The following SEC14L1 variants were observed in gnomAD, a reference collection of about 807,000 sequenced individuals.
SEC14L1 encodes SEC14-like protein 1.
In SEC14L1, 48 loss-of-function variants were observed where a neutral mutation model predicts 85.3. The observed-to-expected ratio is 0.56, with a 90% CI of 0.45 to 0.72. The LOEUF is 0.72. SEC14L1 is among the 30% of genes least tolerant of loss of function. The pLI is 0.00. For missense variants in SEC14L1, 682 were observed against 921.4 expected (o/e 0.74, Z 3.36); for synonymous variants, 391 against 355.5 (o/e 1.10, Z -1.12).
rs1274250015 is a variant in SEC14L1, at chr17:77,109,624, G to A, written c.-136+16277G>A. On this transcript the variant is annotated intron_variant, in intron 3 of 19. Coordinates refer to the SEC14L1 transcript ENST00000392476. Reference sequence around the variant, plus strand: ...AGTGCAGGAGTTTAGTCCAAAACAAGGGCCTCCTATGATTTTTGTTTAACA... The same window carrying A: ...AGTGCAGGAGTTTAGTCCAAAACAAAGGCCTCCTATGATTTTTGTTTAACA... 2.6e-5 allele frequency among the ~76,000 whole-genome samples: 4 copies of A among 152,156 alleles called. 1 individual carries two copies. Among genetic ancestry groups the A allele is most frequent in the Admixed American group, 2.6e-4 (4 of 15,264 alleles).
In SEC14L1 at chr17:77,204,662, C is replaced by G. The variant is rs141473046; in HGVS notation, c.1099-614C>G. Among the ~76,000 whole-genome samples the G allele has an allele frequency of 9.2e-5, 14 of 151,884 alleles. No individual in the cohort carries two copies. The East Asian group carries it at 1.2e-3, about 13-fold the overall frequency. On this transcript the variant is annotated intron_variant, in intron 10 of 16. Coordinates refer to ENST00000436233, the MANE Select transcript of SEC14L1 (RefSeq NM_001143998.2). ...CAAACTGCTGTCCTCAAGCAGTCCTCCCACCTCGGCCTCCTGAGTAGCTGG... is the reference window on the plus strand; with the variant it reads ...CAAACTGCTGTCCTCAAGCAGTCCTGCCACCTCGGCCTCCTGAGTAGCTGG...
rs1274404161 is a variant in SEC14L1, at chr17:77,214,082, G to A, written c.*59G>A. On this transcript the variant is annotated 3_prime_UTR_variant, in exon 17 of 17. Transcript: ENST00000436233. ...ACGGCCGCCCCTCCTCGGACAGCCAGCTGCACCCGCCCACCCAGCGGCGAC... is the reference window on the plus strand; with the variant it reads ...ACGGCCGCCCCTCCTCGGACAGCCAACTGCACCCGCCCACCCAGCGGCGAC... 25 of 1,573,682 alleles carry A rather than the reference G, an allele frequency of 1.6e-5. No homozygotes were observed. The highest frequency in any genetic ancestry group is 7.2e-5 in the Admixed American group (4 of 55,712).
In SEC14L1 at chr17:77,144,283, G is replaced by C. The variant is rs185615844; in HGVS notation, c.63+624G>C. Among the ~76,000 whole-genome samples the C allele has an allele frequency of 9.9e-4, 151 of 152,138 alleles. 1 individual carries two copies. Among genetic ancestry groups the C allele is most frequent in the Admixed American group, 9.8e-3 (150 of 15,282 alleles). On this transcript the variant is annotated intron_variant, in intron 3 of 16. Transcript: ENST00000436233. ...CATACATACCAGAAAATATAATACA[G>C]ACAGGAGAATGTGTCTTTCATGAGC...
chr17:77,216,002 G>C lies in SEC14L1; in HGVS notation c.*1979G>C. Reference sequence around the variant, plus strand: ...GTTAGTAGGTAGGGCTAGTAGGTAGGGTTCGTAGGTAGGGTTCGTAGGTAG... The same window carrying C: ...GTTAGTAGGTAGGGCTAGTAGGTAGCGTTCGTAGGTAGGGTTCGTAGGTAG... On this transcript the variant is annotated 3_prime_UTR_variant, in exon 17 of 17. Coordinates refer to ENST00000436233, the MANE Select transcript of SEC14L1 (RefSeq NM_001143998.2). The C allele has an allele frequency of 1.1e-6, 1 of 934,278 alleles. No individual in the cohort carries two copies. Among genetic ancestry groups the C allele is most frequent in the South Asian group, 5.1e-5 (1 of 19,432 alleles). The allele number at this position is 934,278 out of a possible 1,614,324, so 57.9% of individuals were successfully genotyped here.
chr17:77,149,856 GTTTTTTTTT>G (rs201022692), intron 3 of SEC14L1, among the ~76,000 whole-genome samples: 2 of 123,930 alleles, frequency 1.6e-5, no homozygotes, highest in Non-Finnish European at 3.6e-5. Context: ...GCTGATTTGT[GTTTTTTTTT>G]TTTTTTTTTA....
intron 3 of SEC14L1, among the ~76,000 whole-genome samples, chr17:77,114,843 A>G (rs1972134079): frequency 6.6e-6 from 1 of 150,908 alleles, no homozygotes; most frequent in Non-Finnish European, 1.5e-5. Context: ...CTCCAAAAAA[A>G]AAAAAAAAAA....
chr17:77,192,275 C>T (rs1975582091), intron 5 of SEC14L1, among the ~76,000 whole-genome samples: 1 of 152,212 alleles, frequency 6.6e-6, no homozygotes, highest in Admixed American at 6.5e-5. Context: ...TTAGAATACT[C>T]TCCTGACAGA....
intron 8 of SEC14L1, among the ~76,000 whole-genome samples, chr17:77,199,930 AG>A (rs1976040251): frequency 6.6e-6 from 1 of 152,210 alleles, no homozygotes; most frequent in African/African-American, 2.4e-5. Context: ...ACACTTTGGG[AG>A]GCCAAGGCAG....
At position 77,192,702 on chromosome 17, in the gene SEC14L1, G is replaced by A. The variant is rs904405570; in HGVS notation, c.346-719G>A. ...TTCAGGGATGGGATCTTGCCCTGTC[G>A]CTCAGGCTGGAGTGCAGTGGAACAA... On this transcript the variant is annotated intron_variant, in intron 5 of 16. Coordinates refer to ENST00000436233, the MANE Select transcript of SEC14L1 (RefSeq NM_001143998.2). Among the ~76,000 whole-genome samples, 6 of 150,516 alleles carry A rather than the reference G, an allele frequency of 4.0e-5. No individual in the cohort carries two copies. The East Asian group carries it at 5.8e-4, about 15-fold the overall frequency.
intron 3 of SEC14L1, among the ~76,000 whole-genome samples, chr17:77,125,469 A>G (rs889137510): frequency 3.3e-5 from 5 of 151,310 alleles, no homozygotes; most frequent in African/African-American, 1.2e-4. Context: ...TGTCATGCAC[A>G]TGACACTCAG....
intron 3 of SEC14L1, among the ~76,000 whole-genome samples, chr17:77,106,651 C>T (rs754083): frequency 0.26 from 38,669 of 151,336 alleles, 6,012 homozygotes; most frequent in East Asian, 0.41. Flanking sequence ...GGCAACACAG[C>T]GAGACTCCAT....
At chr17:77,194,422 G>C (rs1399633890) in intron 6 of SEC14L1, among the ~76,000 whole-genome samples, 2 of 152,010 alleles carry the variant, frequency 1.3e-5, no homozygotes, top group Non-Finnish European at 2.9e-5. Flanking sequence ...GGATGAGGTG[G>C]CATATACCTG....
Position 77,206,362 on chromosome 17 carries a change from C to T in SEC14L1, c.1303C>T (p.Leu435=). 1.2e-6 allele frequency: 2 copies of T among 1,614,148 alleles called. No homozygotes were observed. The highest frequency in any genetic ancestry group is 1.7e-6 in the Non-Finnish European group (2 of 1,180,024). Residue 435 remains leucine (L), a synonymous_variant, in exon 12 of 17, where the codon CTG becomes TTG. Coordinates refer to ENST00000436233, the MANE Select transcript of SEC14L1 (RefSeq NM_001143998.2). The surrounding 1 kb of genome is among the most constrained non-coding windows in gnomAD (Gnocchi z 4.3). Reference sequence around the variant, plus strand: ...TGAGACACTGGGCCGCCTTCTCATCCTGCGGGCGCCCAGGGTATTTCCTGT... The same window carrying T: ...TGAGACACTGGGCCGCCTTCTCATCTTGCGGGCGCCCAGGGTATTTCCTGT... The part of the protein sequence containing the change: ...YPETLGRLLI[L]RAPRVFPVLW...
chr17:77,170,596 G>A (rs1430637449), intron 3 of SEC14L1, among the ~76,000 whole-genome samples: 2 of 152,208 alleles, frequency 1.3e-5, no homozygotes, highest in African/African-American at 4.8e-5. Flanking sequence ...TAGAGTTTAA[G>A]TAAGGCAGTC....
chr17:77,124,652 A>G (rs976188934), intron 3 of SEC14L1, among the ~76,000 whole-genome samples: 2 of 152,370 alleles, frequency 1.3e-5, no homozygotes, highest in Non-Finnish European at 2.9e-5. Context: ...TGGCCAAGAT[A>G]AATGAAATGA....
chr17:77,212,159 G>A lies in SEC14L1; in HGVS notation c.1821G>A (p.Met607Ile). ...GGCAGCTGGGCCGCGACTACAGCATGGTGGAGTCGCCTCTGATCTGCAAAG... is the reference window on the plus strand; with the variant it reads ...GGCAGCTGGGCCGCGACTACAGCATAGTGGAGTCGCCTCTGATCTGCAAAG... ...KVWQLGRDYS[M>I]VESPLICKEG... is the part of the protein sequence containing the mutation. The change falls in exon 15 of 17, where the codon ATG (methionine) becomes ATA (isoleucine). Residue 607 changes from methionine (M) to isoleucine (I), a missense_variant. By Grantham distance (10) the Met-to-Ile change is conservative. Around this residue, in one of 3 missense-constraint regions of SEC14L1, gnomAD observed 420 missense variants for 619.5 expected, o/e 0.68. Transcript: ENST00000436233. The A allele has an allele frequency of 6.2e-7, 1 of 1,614,098 alleles. No homozygotes were observed. Among genetic ancestry groups the A allele is most frequent in the South Asian group, 1.1e-5 (1 of 91,090 alleles).
intron 3 of SEC14L1, among the ~76,000 whole-genome samples, chr17:77,135,958 C>T (rs1346284476): frequency 4.0e-5 from 6 of 151,600 alleles, no homozygotes; most frequent in South Asian, 2.1e-4. Flanking sequence ...CTGCAAGCTC[C>T]ATCTCCCGGG....
intron 2 of SEC14L1, among the ~76,000 whole-genome samples, chr17:77,091,681 G>A (rs940786765): frequency 3.9e-5 from 6 of 152,148 alleles, no homozygotes; most frequent in African/African-American, 7.2e-5. Context: ...TCCGGGAGTC[G>A]TGGCACACAG....
rs756911392 is a variant in SEC14L1 at position 77,209,324 on chromosome 17, CTG to C, written c.1477-14_1477-13del. ...GTTTGTGTTTGCACAGGTTTCACTG[CTG>C]TGTTTCTTCTTCCAGTGCGAAGTGC... On this transcript the variant is annotated splice_polypyrimidine_tract_variant and intron_variant, in intron 13 of 16. Coordinates refer to ENST00000436233, the MANE Select transcript of SEC14L1 (RefSeq NM_001143998.2). 2 of 1,613,826 alleles carry C rather than the reference CTG, an allele frequency of 1.2e-6. No individual in the cohort carries two copies. The highest frequency in any genetic ancestry group is 2.2e-5 in the East Asian group (1 of 44,890).
Sources: gnomAD v4.1 joint callset for allele counts (sites outside exome capture counted in the v4.1 genomes callset) on GRCh38, gnomAD v4.1.1 for gene constraint, gnomAD v4.1.1 regional missense constraint, Gnocchi (gnomAD v3.1) non-coding constraint, MANE v1.5 for transcripts, NCBI Gene and HGNC (gene_info 2026-07-23, HGNC 2026-07-21) for gene names.